Variants in PARD3B observed in about 807,000 individuals in gnomAD.
PARD3B encodes partitioning defective 3 homolog B.
Under a neutral mutation model 130.2 loss-of-function variants are expected in PARD3B, and 103 were observed. The observed-to-expected ratio is 0.79, with a 90% CI of 0.67 to 0.93. PARD3B has a LOEUF of 0.93. Ranked by LOEUF, PARD3B falls within the 40% of genes least tolerant of loss-of-function variation. The pLI is 0.00. For missense variants in PARD3B, 1,609 were observed against 1,499.2 expected (o/e 1.07, Z -1.21); for synonymous variants, 583 against 553.2 (o/e 1.05, Z -0.76).
Position 204,806,438 on chromosome 2 carries a change from T to C in PARD3B, c.222+120156T>C, listed in dbSNP as rs532741750. Among the ~76,000 whole-genome samples, 156 of 152,238 alleles carry C rather than the reference T, an allele frequency of 1.0e-3. 1 individual carries two copies. Among genetic ancestry groups the C allele is most frequent in the African/African-American group, 3.5e-3 (147 of 41,570 alleles). On this transcript the variant is annotated intron_variant, in intron 2 of 22. Transcript: ENST00000406610. ...GCTGAGAAAACTGGATATTTATATG[T>C]AGAAGAATGAAACTAGACCCCTCTC...
chr2:205,614,728 A>G (rs2105803629), intron 22 of PARD3B, among the ~76,000 whole-genome samples: 1 of 152,112 alleles, frequency 6.6e-6, no homozygotes, highest in Non-Finnish European at 1.5e-5. Flanking sequence ...AAAAAAAAAA[A>G]AAGAGCTCTA....
intron 2 of PARD3B, among the ~76,000 whole-genome samples, chr2:204,842,193 T>G (rs2044282695): frequency 1.3e-5 from 2 of 152,178 alleles, no homozygotes; most frequent in Admixed American, 1.3e-4. Context: ...ATAGCGGTTA[T>G]TTTTCAAAGC....
intron 2 of PARD3B, among the ~76,000 whole-genome samples, chr2:204,794,861 T>C (rs2042317509): frequency 6.6e-6 from 1 of 152,224 alleles, no homozygotes; most frequent in Non-Finnish European, 1.5e-5. Context: ...TCCTTGATTA[T>C]GGCCCTTGCC....
intron 16 of PARD3B, among the ~76,000 whole-genome samples, chr2:205,297,490 C>G (rs1330978485): frequency 6.6e-6 from 1 of 152,144 alleles, no homozygotes; most frequent in South Asian, 2.1e-4. Flanking sequence ...GAATTTAACA[C>G]TGATGCCTTT....
At chr2:205,318,363 T>C (rs1251689993) in intron 18 of PARD3B, among the ~76,000 whole-genome samples, 1 of 152,148 alleles carries the variant, frequency 6.6e-6, no homozygotes, top group Admixed American at 6.5e-5. Flanking sequence ...AGAAACACTA[T>C]ACCAGACCAG....
chr2:205,603,281 ATTT>A (rs2105764733), intron 22 of PARD3B, among the ~76,000 whole-genome samples: 2 of 152,248 alleles, frequency 1.3e-5, no homozygotes, highest in Admixed American at 1.3e-4. Context: ...TATGTGATCA[ATTT>A]TAGAGTAAGT....
At chr2:204,655,913 C>T (rs2035622331) in intron 1 of PARD3B, among the ~76,000 whole-genome samples, 1 of 152,050 alleles carries the variant, frequency 6.6e-6, no homozygotes, top group Admixed American at 6.6e-5. Flanking sequence ...TGTCTGGGCC[C>T]TTTCAGGTAT....
intron 18 of PARD3B, among the ~76,000 whole-genome samples, chr2:205,339,571 G>A (rs530654326): frequency 6.6e-6 from 1 of 152,178 alleles, no homozygotes; most frequent in South Asian, 2.1e-4. Flanking sequence ...GTAATTTAAA[G>A]TGTTGGAGGT....
At chr2:205,380,723 A>G (rs2045351655) in intron 18 of PARD3B, among the ~76,000 whole-genome samples, 1 of 102,680 alleles carries the variant, frequency 9.7e-6, no homozygotes, top group Non-Finnish European at 1.7e-5. Context: ...TATATATACT[A>G]TATATAAAGA....
rs185858599 is a variant in PARD3B at position 204,688,317 on chromosome 2, T to C, written c.222+2035T>C. Among the ~76,000 whole-genome samples, 21 of 152,222 alleles carry C rather than the reference T, an allele frequency of 1.4e-4. No homozygotes were observed. The East Asian group carries it at 3.9e-3, about 28-fold the overall frequency. On this transcript the variant is annotated intron_variant, in intron 2 of 22. Coordinates refer to ENST00000406610, the MANE Select transcript of PARD3B (RefSeq NM_001302769.2). ...AATACGTAAGTGGCACGGTGGCTCA[T>C]GCCTGTAATCCTAGCACTTTGGGAG...
intron 3 of PARD3B, among the ~76,000 whole-genome samples, chr2:205,031,083 ACAAC>A (rs762356414): frequency 4.1e-4 from 63 of 152,320 alleles, no homozygotes; most frequent in South Asian, 2.1e-4. Flanking sequence ...CTTCAAGAAC[ACAAC>A]CAAAGACTGC....
At chr2:204,548,531 G>A (rs965877173) in intron 1 of PARD3B, among the ~76,000 whole-genome samples, 3 of 152,136 alleles carry the variant, frequency 2.0e-5, no homozygotes, top group African/African-American at 4.8e-5. Flanking sequence ...TTAGATGTTT[G>A]CTCTCAGCCA....
intron 18 of PARD3B, among the ~76,000 whole-genome samples, chr2:205,364,495 T>A (rs1216438133): frequency 6.6e-6 from 1 of 152,246 alleles, no homozygotes; most frequent in Non-Finnish European, 1.5e-5. Context: ...CAAGCAAGGT[T>A]GGCCTGGGCT....
intron 2 of PARD3B, among the ~76,000 whole-genome samples, chr2:204,702,462 G>T (rs1344757176): frequency 6.6e-6 from 1 of 152,076 alleles, no homozygotes; most frequent in East Asian, 1.9e-4. Flanking sequence ...TTTCATTGTG[G>T]TTTTAATTTG....
chr2:205,576,625 G>A (rs76593457), intron 22 of PARD3B, among the ~76,000 whole-genome samples: 2,321 of 152,140 alleles, frequency 0.015, 31 homozygotes, highest in Non-Finnish European at 0.024. Context: ...GTCTACTTCC[G>A]GACTTCCTAT....
At chr2:205,578,262 A>C (rs2053835108) in intron 22 of PARD3B, among the ~76,000 whole-genome samples, 1 of 152,210 alleles carries the variant, frequency 6.6e-6, no homozygotes, top group African/African-American at 2.4e-5. Flanking sequence ...TCTGTGTGTC[A>C]ATTCCAAATA....
At chr2:204,988,142 T>C (rs1170026869) in intron 3 of PARD3B, among the ~76,000 whole-genome samples, 3 of 152,102 alleles carry the variant, frequency 2.0e-5, no homozygotes, top group Non-Finnish European at 4.4e-5. Flanking sequence ...GATGAAGTTA[T>C]GGTCAAGCCA....
chr2:205,321,209 G>A lies in PARD3B; in HGVS notation c.2630+19508G>A, dbSNP rs1211802374. 6.6e-6 allele frequency among the ~76,000 whole-genome samples: 1 copy of A among 152,128 alleles called. No homozygotes were observed. The highest frequency in any genetic ancestry group is 2.4e-5 in the African/African-American group (1 of 41,420). ...TAAACAATAAAAGTGTTTGAGTATT[G>A]ATTGTTGATTTACAAGATTGAAGGA... On this transcript the variant is annotated intron_variant, in intron 18 of 22. Transcript: ENST00000406610. The surrounding 1 kb of genome is among the most constrained non-coding windows in gnomAD (Gnocchi z 4.2).
chr2:205,165,623 CAGG>C (rs2034762893), intron 11 of PARD3B, among the ~76,000 whole-genome samples: 1 of 151,544 alleles, frequency 6.6e-6, no homozygotes, highest in South Asian at 2.1e-4. Flanking sequence ...GAGGCTGAGG[CAGG>C]AGAATTGCTT....
Sources: allele counts gnomAD v4.1 joint callset (sites outside exome capture counted in the v4.1 genomes callset), GRCh38; gene constraint gnomAD v4.1.1; non-coding constraint Gnocchi (gnomAD v3.1); transcripts MANE v1.5; gene names NCBI Gene and HGNC (gene_info 2026-07-23, HGNC 2026-07-21).